TCF20: variants seen among roughly 807,000 people sequenced by gnomAD.
The protein encoded by TCF20 is transcription factor 20.
TCF20 carries 3 observed loss-of-function variants against 148.6 expected under a neutral mutation model. The ratio of observed to expected loss-of-function variants is 0.02; its 90% confidence interval spans 0.01 to 0.05. TCF20 has a LOEUF of 0.05. Ranked by LOEUF, TCF20 falls within the 10% of genes least tolerant of loss-of-function variation. The probability of loss-of-function intolerance (pLI) is 1.00; values close to 1 mark genes in which losing one functional copy is unlikely to be tolerated. For missense variants in TCF20, 2,350 were observed against 2,429.3 expected (o/e 0.97, Z 0.69); for synonymous variants, 1,049 against 909.5 (o/e 1.15, Z -2.76).
chr22:42,243,738 G>A (rs2147322263), intron 1 of TCF20, among the ~76,000 whole-genome samples: 1 of 152,240 alleles, frequency 6.6e-6, no homozygotes, highest in African/African-American at 2.4e-5. Context: ...TTGGATTGAG[G>A]GAGGGTAAAC....
intron 1 of TCF20, among the ~76,000 whole-genome samples, chr22:42,315,766 C>G (rs914800668): frequency 1.3e-5 from 2 of 152,022 alleles, no homozygotes; most frequent in African/African-American, 2.4e-5. Flanking sequence ...AGAGGTAGCC[C>G]CAGGTGGAGG....
chr22:42,214,566 AAGG>A lies in TCF20; in HGVS notation c.737_739del (p.Ser246del), dbSNP rs754279263. 1.3e-4 allele frequency: 215 copies of A among 1,605,102 alleles called. No homozygotes were observed. Among genetic ancestry groups the A allele is most frequent in the Admixed American group, 6.5e-4 (39 of 59,662 alleles). On this transcript the variant is annotated inframe_deletion, in exon 2 of 6. Coordinates refer to ENST00000677622, the MANE Select transcript of TCF20 (RefSeq NM_001378418.1). The stretch of plus-strand genomic sequence containing the variant: ...CTGGCTAAAACGCTGTGGTGAAGGG[AAGG>A]AGGAGGAGGAGGAGGAGGAAGCAGA...
chr22:42,215,890 T>C (rs774161861), intron 1 of TCF20, among the ~76,000 whole-genome samples: 25 of 152,074 alleles, frequency 1.6e-4, no homozygotes, highest in Non-Finnish European at 2.8e-4. Context: ...TCTGAGTGCA[T>C]ACAAACCCAA....
Position 42,299,127 on chromosome 22 carries a change from C to T in TCF20, c.-37+44352G>A, listed in dbSNP as rs1276892868. Among the ~76,000 whole-genome samples, 1 of 152,196 alleles carries T rather than the reference C, an allele frequency of 6.6e-6. No individual in the cohort carries two copies. Among genetic ancestry groups the T allele is most frequent in the Admixed American group, 6.5e-5 (1 of 15,286 alleles). ...GGGGAACGGAGACCTGGAGGGGTACCCCCAAAAATCTGGACTTGGCCCTGC... is the reference window on the plus strand; with the variant it reads ...GGGGAACGGAGACCTGGAGGGGTACTCCCAAAAATCTGGACTTGGCCCTGC... On this transcript the variant is annotated intron_variant, in intron 1 of 1. Transcript: ENST00000515426. This position sits in a 1 kb window ranked among gnomAD's most constrained non-coding sequence, Gnocchi z 4.1.
intron 1 of TCF20, among the ~76,000 whole-genome samples, chr22:42,236,362 G>A (rs1303261499): frequency 6.6e-6 from 1 of 152,022 alleles, no homozygotes; most frequent in Non-Finnish European, 1.5e-5. Context: ...CCACACCCTG[G>A]GATCTACAGT....
rs1246598497 is a variant in TCF20 at position 42,292,195 on chromosome 22, C to T, written c.-37+51284G>A. 2.6e-5 allele frequency among the ~76,000 whole-genome samples: 4 copies of T among 152,176 alleles called. No individual in the cohort carries two copies. Among genetic ancestry groups the T allele is most frequent in the Non-Finnish European group, 5.9e-5 (4 of 68,036 alleles). On this transcript the variant is annotated intron_variant, in intron 1 of 1. Coordinates refer to the TCF20 transcript ENST00000515426. This position sits in a 1 kb window ranked among gnomAD's most constrained non-coding sequence, Gnocchi z 4.9. ...TGCCCATAGTCTCACAGGGTATGGA[C>T]GAGGGTCAGCACCCCCATTTTGCAA...
At chr22:42,253,563 A>C (rs1381878101) in intron 1 of TCF20, among the ~76,000 whole-genome samples, 1 of 152,198 alleles carries the variant, frequency 6.6e-6, no homozygotes, top group East Asian at 1.9e-4. Flanking sequence ...CGTATGAAAA[A>C]CCAAAAGCAT....
intron 1 of TCF20, among the ~76,000 whole-genome samples, chr22:42,253,658 A>G (rs2147355427): frequency 6.6e-6 from 1 of 152,334 alleles, no homozygotes; most frequent in Admixed American, 6.5e-5. Flanking sequence ...TTGATTTTTT[A>G]AAAACCCTGA....
intron 1 of TCF20, among the ~76,000 whole-genome samples, chr22:42,324,695 A>AAAAATAATCTCCACCATCTTAG (rs1927841437): frequency 1.4e-5 from 2 of 146,562 alleles, no homozygotes; most frequent in South Asian, 4.4e-4. Flanking sequence ...CCATTTGAGA[A>AAAAATAATCTCCACCATCTTAG]AAAATAATCT....
intron 1 of TCF20, among the ~76,000 whole-genome samples, chr22:42,227,426 G>A (rs1923013841): frequency 6.6e-6 from 1 of 152,192 alleles, no homozygotes; most frequent in South Asian, 2.1e-4. Context: ...TTTGAGAGCA[G>A]GCTGAAGGCA....
At chr22:42,268,610 C>G (rs1230286146) in intron 1 of TCF20, among the ~76,000 whole-genome samples, 3 of 152,210 alleles carry the variant, frequency 2.0e-5, no homozygotes, top group African/African-American at 7.2e-5. Context: ...TCCAAAATCC[C>G]CTGCGTAGAA....
chr22:42,331,863 G>C (rs1040519632), intron 1 of TCF20, among the ~76,000 whole-genome samples: 2 of 152,262 alleles, frequency 1.3e-5, no homozygotes, highest in Non-Finnish European at 2.9e-5. Context: ...GGGGAAAATG[G>C]GGCCAAGAGA....
intron 1 of TCF20, among the ~76,000 whole-genome samples, chr22:42,251,184 G>T (rs142796910): frequency 7.2e-4 from 109 of 152,120 alleles, no homozygotes; most frequent in African/African-American, 2.6e-3. Flanking sequence ...CTTTAAAAAA[G>T]GTAAATAAGT....
intron 1 of TCF20, among the ~76,000 whole-genome samples, chr22:42,323,233 G>A (rs1927767756): frequency 6.6e-6 from 1 of 151,546 alleles, no homozygotes; most frequent in Non-Finnish European, 1.5e-5. Flanking sequence ...CTCTTGTTCA[G>A]AGGCCAAAGC....
intron 1 of TCF20, among the ~76,000 whole-genome samples, chr22:42,277,792 A>G (rs1926812776): frequency 6.6e-6 from 1 of 152,228 alleles, no homozygotes; most frequent in South Asian, 2.1e-4. Flanking sequence ...TGAGAAGTGC[A>G]GGCCCTGTGT....
At chr22:42,163,718 T>C (rs1202845680) in intron 5 of TCF20, among the ~76,000 whole-genome samples, 2 of 152,142 alleles carry the variant, frequency 1.3e-5, no homozygotes, top group Non-Finnish European at 1.5e-5. Flanking sequence ...TCCCCGACAG[T>C]GAGCCTGGGA....
intron 1 of TCF20, among the ~76,000 whole-genome samples, chr22:42,240,898 C>A (rs528055104): frequency 1.3e-5 from 2 of 152,094 alleles, no homozygotes; most frequent in East Asian, 3.9e-4. Context: ...CTGTCCCCCC[C>A]AGGCTGGAGT....
intron 3 of TCF20, among the ~76,000 whole-genome samples, chr22:42,175,604 G>A (rs1936402684): frequency 6.6e-6 from 1 of 152,108 alleles, no homozygotes; most frequent in African/African-American, 2.4e-5. Context: ...CTCCCAAAGT[G>A]ATGGGATTAC....
intron 1 of TCF20, among the ~76,000 whole-genome samples, chr22:42,333,156 T>C (rs1272623681): frequency 6.6e-6 from 1 of 152,278 alleles, no homozygotes; most frequent in East Asian, 1.9e-4. Context: ...GCTGCCCCAC[T>C]GTGCAGAGGC....
Sources: gnomAD v4.1 joint callset for allele counts (sites outside exome capture counted in the v4.1 genomes callset) on GRCh38, gnomAD v4.1.1 for gene constraint, Gnocchi (gnomAD v3.1) non-coding constraint, MANE v1.5 for transcripts, NCBI Gene and HGNC (gene_info 2026-07-23, HGNC 2026-07-21) for gene names.